Variants in ADGRB3 observed in about 807,000 individuals in gnomAD.
ADGRB3 encodes the protein brain-specific angiogenesis inhibitor 3.
A neutral mutation model predicts 193.4 loss-of-function variants in ADGRB3; 37 were observed. The observed-to-expected ratio is 0.19, with a 90% confidence interval of 0.15 to 0.25. ADGRB3 has a LOEUF of 0.25. ADGRB3 is among the 10% of genes least tolerant of loss of function. The probability of loss-of-function intolerance (pLI) is 1.00; values close to 1 mark genes in which losing one functional copy is unlikely to be tolerated. For missense variants in ADGRB3, 1,637 were observed against 1,852.9 expected (o/e 0.88, Z 2.14); for synonymous variants, 690 against 644.2 (o/e 1.07, Z -1.08).
intron 23 of ADGRB3, chr6:69,331,834 T>C (rs2127314278): frequency 3.0e-6 from 3 of 985,032 alleles, no homozygotes; most frequent in Non-Finnish European, 3.6e-6. Context: ...CTAGAATCCA[T>C]AGAATACACT....
intron 3 of ADGRB3, among the ~76,000 whole-genome samples, chr6:68,778,983 G>A (rs1055133838): frequency 1.3e-5 from 2 of 151,934 alleles, no homozygotes; most frequent in Non-Finnish European, 2.9e-5. Context: ...ACAGTCACTG[G>A]GAGCTGCAGC....
intron 24 of ADGRB3, among the ~76,000 whole-genome samples, chr6:69,338,420 A>G (rs1167608361): frequency 1.3e-5 from 2 of 152,196 alleles, no homozygotes; most frequent in African/African-American, 2.4e-5. Flanking sequence ...AAAAAATTAC[A>G]TCTTCAACAA....
At chr6:69,165,115 T>C (rs1467832981) in intron 17 of ADGRB3, among the ~76,000 whole-genome samples, 1 of 152,008 alleles carries the variant, frequency 6.6e-6, no homozygotes, top group African/African-American at 2.4e-5. Flanking sequence ...CTAAACCTGA[T>C]CCCATTTGAA....
chr6:69,210,890 C>T (rs566285148), intron 17 of ADGRB3, among the ~76,000 whole-genome samples: 9 of 151,856 alleles, frequency 5.9e-5, no homozygotes, highest in South Asian at 2.1e-4. Flanking sequence ...CCGAGGCTGG[C>T]GGATCACGAG....
At chr6:68,941,071 T>G (rs2150250218) in intron 5 of ADGRB3, among the ~76,000 whole-genome samples, 1 of 152,250 alleles carries the variant, frequency 6.6e-6, no homozygotes, top group Admixed American at 6.5e-5. Flanking sequence ...ATGCCTAAGC[T>G]AAGGAGGAAA....
At chr6:69,112,961 T>C (rs1411505044) in intron 17 of ADGRB3, among the ~76,000 whole-genome samples, 1 of 152,174 alleles carries the variant, frequency 6.6e-6, no homozygotes, top group Non-Finnish European at 1.5e-5. Context: ...TTTCACCATC[T>C]TGGCCAGACT....
chr6:68,823,470 T>A (rs1249419073), intron 3 of ADGRB3, among the ~76,000 whole-genome samples: 1 of 152,032 alleles, frequency 6.6e-6, no homozygotes, highest in Non-Finnish European at 1.5e-5. Flanking sequence ...ATTATAACAA[T>A]GTAAATGCTT....
chr6:68,923,390 G>A (rs1173891696), intron 3 of ADGRB3, among the ~76,000 whole-genome samples: 1 of 151,970 alleles, frequency 6.6e-6, no homozygotes, highest in Admixed American at 6.6e-5. Context: ...CAATAAAGAT[G>A]TACCAGAATT....
In ADGRB3 at chr6:69,330,495, G is replaced by A; in HGVS notation, c.3036-11G>A. 3.1e-6 allele frequency: 5 copies of A among 1,599,926 alleles called. No individual in the cohort carries two copies. The South Asian group carries it at 4.5e-5, about 15-fold the overall frequency. On this transcript the variant is annotated splice_polypyrimidine_tract_variant and intron_variant, in intron 22 of 31. Coordinates refer to ENST00000370598, the MANE Select transcript of ADGRB3 (RefSeq NM_001704.3). ...TAATTTTTGTTAGTTCTTATCTAATGTCATTTTCAGCTGCTGGCTCTCTCT... is the reference window on the plus strand; with the variant it reads ...TAATTTTTGTTAGTTCTTATCTAATATCATTTTCAGCTGCTGGCTCTCTCT...
At chr6:69,343,434 G>T (rs1769022659) in intron 26 of ADGRB3, among the ~76,000 whole-genome samples, 1 of 147,914 alleles carries the variant, frequency 6.8e-6, no homozygotes, top group Non-Finnish European at 1.5e-5. Flanking sequence ...AATACGCGGT[G>T]TTTGGTTTTT....
At chr6:69,267,354 T>G (rs534461236) in intron 20 of ADGRB3, among the ~76,000 whole-genome samples, 1 of 152,164 alleles carries the variant, frequency 6.6e-6, no homozygotes, top group South Asian at 2.1e-4. Flanking sequence ...TAAGCCACAT[T>G]TGAATTACAA....
chr6:68,886,719 C>A (rs1270956893), intron 3 of ADGRB3, among the ~76,000 whole-genome samples: 1 of 151,888 alleles, frequency 6.6e-6, no homozygotes, highest in Non-Finnish European at 1.5e-5. Flanking sequence ...CAAATAGAAC[C>A]ATTGTTCATG....
chr6:68,776,263 A>T (rs1468712349), intron 3 of ADGRB3, among the ~76,000 whole-genome samples: 1 of 152,154 alleles, frequency 6.6e-6, no homozygotes, highest in Non-Finnish European at 1.5e-5. Flanking sequence ...TAAGAGCCTT[A>T]GTTCAAAAAG....
chr6:69,120,338 G>T (rs1377366942), intron 17 of ADGRB3, among the ~76,000 whole-genome samples: 1 of 152,184 alleles, frequency 6.6e-6, no homozygotes, highest in Non-Finnish European at 1.5e-5. Flanking sequence ...AGGAGCTCTG[G>T]CCATGGGGCC....
chr6:68,975,464 G>A (rs1277704710), intron 10 of ADGRB3, 124 bp downstream of exon 10: 1 of 700,120 alleles, frequency 1.4e-6, no homozygotes, highest in Non-Finnish European at 2.3e-6. Context: ...ATGCCTGAAG[G>A]AGAAAGCAAT....
At chr6:68,745,769 A>G (rs554654032) in intron 3 of ADGRB3, among the ~76,000 whole-genome samples, 2 of 152,010 alleles carry the variant, frequency 1.3e-5, no homozygotes, top group South Asian at 4.1e-4. Context: ...ATCCCCCCAC[A>G]CACATATTTA....
intron 27 of ADGRB3, among the ~76,000 whole-genome samples, chr6:69,354,559 C>T (rs1769296667): frequency 6.6e-6 from 1 of 152,124 alleles, no homozygotes; most frequent in South Asian, 2.1e-4. Context: ...CTATGCAACA[C>T]TGTGAAGTAT....
chr6:68,673,899 T>G (rs1454066000), intron 3 of ADGRB3, among the ~76,000 whole-genome samples: 1 of 152,174 alleles, frequency 6.6e-6, no homozygotes, highest in East Asian at 1.9e-4. Flanking sequence ...CTTCCTATTC[T>G]GCTATCTCTA....
chr6:69,169,438 T>C (rs1336414583), intron 17 of ADGRB3, among the ~76,000 whole-genome samples: 1 of 151,418 alleles, frequency 6.6e-6, no homozygotes, highest in African/African-American at 2.4e-5. Flanking sequence ...ATAGTTACAA[T>C]GAGTAACTAA....
Sources: gnomAD v4.1 joint callset for allele counts (sites outside exome capture counted in the v4.1 genomes callset) on GRCh38, gnomAD v4.1.1 for gene constraint, MANE v1.5 for transcripts, NCBI Gene and HGNC (gene_info 2026-07-23, HGNC 2026-07-21) for gene names.